CPT1A: variants seen among roughly 807,000 people sequenced by gnomAD.
CPT1A encodes carnitine palmitoyltransferase 1A.
In CPT1A, 64 loss-of-function variants were observed where a neutral mutation model predicts 100.8. That is an observed-to-expected ratio of 0.63 (90% CI 0.52 to 0.78). CPT1A has a LOEUF of 0.78. Among genes scored for constraint, CPT1A ranks in the 30% least tolerant of loss-of-function variants. The pLI is 0.00. For missense variants in CPT1A, 802 were observed against 1,034.1 expected, an observed-to-expected ratio of 0.78 and a Z score of 3.08; for synonymous variants, 363 against 396.0, an observed-to-expected ratio of 0.92 and a Z score of 0.99.
rs774017107 is a variant in CPT1A at position 68,815,341 on chromosome 11, C to A, written c.134G>T (p.Arg45Ile). 2 of 1,614,068 alleles carry A rather than the reference C, an allele frequency of 1.2e-6. No homozygotes were observed. Among genetic ancestry groups the A allele is most frequent in the Admixed American group, 3.3e-5 (2 of 60,012 alleles). Reference protein sequence around the residue: ...GLHSWKKKFIRFKNGIITGVY... With the variant: ...GLHSWKKKFIIFKNGIITGVY... ...CAACAAATCTCAGAAAACCTTGAAT[C>A]TGATGAACTTCTTTTTCCAGGAATG... is the stretch of plus-strand genomic sequence containing the variant. Residue 45 changes from arginine (R) to isoleucine (I), a missense_variant, in exon 2 of 19, where the codon AGA becomes ATA. This residue lies in a region of CPT1A where 161 missense variants were observed against 183.7 expected (regional missense o/e 0.88). Transcript: ENST00000265641.
At chr11:68,826,272 C>A (rs576748396) in intron 1 of CPT1A, among the ~76,000 whole-genome samples, 1 of 151,980 alleles carries the variant, frequency 6.6e-6, no homozygotes, top group East Asian at 1.9e-4. Context: ...ATGGTGAAAC[C>A]CTGTCACTAC....
chr11:68,779,514 G>T (rs951649577), intron 12 of CPT1A, among the ~76,000 whole-genome samples: 1 of 44,378 alleles, frequency 2.3e-5, no homozygotes, highest in Non-Finnish European at 6.1e-5. Context: ...AAAAAAAAAA[G>T]GCTGAGTGTG....
At chr11:68,815,616 A>T in intron 1 of CPT1A, 129 bp from the exon 2 acceptor site, 2 of 900,622 alleles carry the variant, frequency 2.2e-6, no homozygotes, top group South Asian at 3.0e-5. Context: ...AATACTTTTC[A>T]TCAACAGACC....
chr11:68,792,172 C>T lies in CPT1A; in HGVS notation c.967+1143G>A, dbSNP rs1330871785. Among the ~76,000 whole-genome samples the T allele has an allele frequency of 2.0e-5, 3 of 152,038 alleles. No individual in the cohort carries two copies. In the East Asian group the frequency reaches 5.9e-4, roughly 30 times the overall value. Reference sequence around the variant, plus strand: ...CTAACACGGTGAAACTCCGTCTCTACTAAAAATATAAAAAATTAGCCGGGC... The same window carrying T: ...CTAACACGGTGAAACTCCGTCTCTATTAAAAATATAAAAAATTAGCCGGGC... On this transcript the variant is annotated intron_variant, in intron 9 of 18. Transcript: ENST00000265641.
chr11:68,766,299 G>A (rs573595728), intron 14 of CPT1A, among the ~76,000 whole-genome samples: 4 of 151,990 alleles, frequency 2.6e-5, no homozygotes, highest in African/African-American at 9.7e-5. Flanking sequence ...GGGGTCCAGG[G>A]CAGAAAAAAG....
At chr11:68,794,023 C>T (rs1194665698) in intron 8 of CPT1A, among the ~76,000 whole-genome samples, 2 of 152,148 alleles carry the variant, frequency 1.3e-5, no homozygotes, top group African/African-American at 4.8e-5. Flanking sequence ...TTATGAGCAA[C>T]TAAGCAGCTA....
chr11:68,781,946 T>C lies in CPT1A; in HGVS notation c.1177A>G (p.Arg393Gly). 1 of 1,614,120 alleles carries C rather than the reference T, an allele frequency of 6.2e-7. No individual in the cohort carries two copies. The highest frequency in any genetic ancestry group is 8.5e-7 in the Non-Finnish European group (1 of 1,179,980). Residue 393 changes from arginine (R) to glycine (G), a missense_variant, in exon 11 of 19, where the codon AGG becomes GGG. Coordinates refer to ENST00000265641, the MANE Select transcript of CPT1A (RefSeq NM_001876.4). ...CGTCCAAAATAGGCCTGACGACACC[T>C]GGCCCAGGGAACTCTGCAGTGAAGA... is the stretch of plus-strand genomic sequence containing the variant. ...LTAGDRVPWA[R>G]CRQAYFGRGK...
chr11:68,827,519 A>G (rs1177403782), intron 1 of CPT1A, among the ~76,000 whole-genome samples: 2 of 145,468 alleles, frequency 1.4e-5, no homozygotes, highest in Non-Finnish European at 3.0e-5. Context: ...TGTCCCCCCT[A>G]CCCCACCCCA....
chr11:68,761,592 G>A lies in CPT1A; in HGVS notation c.1971C>T (p.Leu657=), dbSNP rs769679090. ...ATTTAGACACCACGTAAAGGCAGAA[G>A]AGGTGACGATCGATCCCAGAGCCGG... ...AMTGSGIDRH[L]FCLYVVSKYL... The change falls in exon 16 of 19, where the codon CTC becomes CTT. Residue 657 remains leucine (L), a synonymous_variant. Transcript: ENST00000265641. The A allele has an allele frequency of 1.9e-6, 3 of 1,614,082 alleles. No individual in the cohort carries two copies. Among genetic ancestry groups the A allele is most frequent in the Non-Finnish European group, 2.5e-6 (3 of 1,180,022 alleles).
chr11:68,781,373 A>G (rs1855306984), intron 11 of CPT1A, among the ~76,000 whole-genome samples: 1 of 152,162 alleles, frequency 6.6e-6, no homozygotes, highest in Non-Finnish European at 1.5e-5. Context: ...TAATCTCAGC[A>G]CTTTGAGAGG....
At chr11:68,797,978 G>A (rs1855798554) in intron 6 of CPT1A, among the ~76,000 whole-genome samples, 3 of 152,164 alleles carry the variant, frequency 2.0e-5, no homozygotes, top group Non-Finnish European at 4.4e-5. Flanking sequence ...CTTTGTCTCA[G>A]AAACTAAAGA....
chr11:68,794,329 C>T (rs1215932766), intron 8 of CPT1A, among the ~76,000 whole-genome samples: 1 of 152,186 alleles, frequency 6.6e-6, no homozygotes, highest in Non-Finnish European at 1.5e-5. Flanking sequence ...CTGATGTATT[C>T]ACCATCCTGA....
chr11:68,806,172 C>CGCCTGGCTAATTT (rs1266576706), intron 4 of CPT1A, among the ~76,000 whole-genome samples: 21 of 152,160 alleles, frequency 1.4e-4, no homozygotes, highest in Non-Finnish European at 2.4e-4. Flanking sequence ...TGCACCACCA[C>CGCCTGGCTAATTT]GCCTGGCTAA....
chr11:68,777,115 G>C (rs1419570352), intron 12 of CPT1A, among the ~76,000 whole-genome samples: 1 of 152,188 alleles, frequency 6.6e-6, no homozygotes, highest in Non-Finnish European at 1.5e-5. Flanking sequence ...AGAAGAGCCT[G>C]ACACAGAAAC....
rs12272547 is a variant in CPT1A at position 68,841,186 on chromosome 11, G to T, written c.-14+589C>A. On this transcript the variant is annotated intron_variant, in intron 1 of 18. Transcript: ENST00000265641. This position sits in a 1 kb window ranked among gnomAD's most constrained non-coding sequence, Gnocchi z 6.3. ...AGGGCCGAGCACCCCTCCCTCAGCC[G>T]CACTGCACCTGCCCGTAGGTGACCA... 6.6e-6 allele frequency among the ~76,000 whole-genome samples: 1 copy of T among 151,980 alleles called. No homozygotes were observed. Among genetic ancestry groups the T allele is most frequent in the Admixed American group, 6.5e-5 (1 of 15,278 alleles).
chr11:68,760,114 G>C, intron 17 of CPT1A, 111 bp downstream of exon 17: 1 of 757,710 alleles, frequency 1.3e-6, no homozygotes. Flanking sequence ...CTTTACGGCG[G>C]TAGAACCGCA....
intron 6 of CPT1A, among the ~76,000 whole-genome samples, chr11:68,798,244 G>C (rs1036264352): frequency 6.6e-6 from 1 of 152,158 alleles, no homozygotes; most frequent in Admixed American, 6.5e-5. Context: ...TGAAACACAC[G>C]TACCTACAGA....
intron 13 of CPT1A, 74 bp downstream of exon 13, chr11:68,775,241 GA>G (rs1350904899): frequency 7.8e-7 from 1 of 1,276,114 alleles, no homozygotes; most frequent in East Asian, 2.3e-5. Flanking sequence ...ACTACGGTTG[GA>G]AAATTCATCT....
intron 1 of CPT1A, chr11:68,839,429 C>T (rs565749354): frequency 4.7e-6 from 4 of 850,626 alleles, no homozygotes; most frequent in Non-Finnish European, 5.7e-6. Context: ...GCCCCGCCCC[C>T]AGGCTGGCGC....
Sources: allele counts gnomAD v4.1 joint callset (sites outside exome capture counted in the v4.1 genomes callset), GRCh38; gene constraint gnomAD v4.1.1; regional missense constraint gnomAD v4.1.1; non-coding constraint Gnocchi (gnomAD v3.1); transcripts MANE v1.5; gene names NCBI Gene and HGNC (gene_info 2026-07-23, HGNC 2026-07-21).